PALM2AKAP2: variants seen among roughly 807,000 people sequenced by gnomAD.
PALM2AKAP2 encodes PALM2-AKAP2 fusion protein.
A neutral mutation model predicts 71.5 loss-of-function variants in PALM2AKAP2; 37 were observed. The observed-to-expected ratio is 0.52, with a 90% CI of 0.40 to 0.68. The LOEUF (loss-of-function observed/expected upper bound fraction) is 0.68, where lower values mean the gene tolerates loss of function less well. Among genes scored for constraint, PALM2AKAP2 ranks in the 30% least tolerant of loss-of-function variants. PALM2AKAP2 has a pLI of 0.00. For missense variants in PALM2AKAP2, 1,224 were observed against 1,191.8 expected (o/e 1.03, Z -0.40); for synonymous variants, 468 against 478.8 (o/e 0.98, Z 0.29).
chr9:109,682,338 A>G (rs936707741), intron 1 of PALM2AKAP2, among the ~76,000 whole-genome samples: 1 of 152,232 alleles, frequency 6.6e-6, no homozygotes, highest in African/African-American at 2.4e-5. Context: ...CATTCACTCA[A>G]GGAAAAATAT....
intron 1 of PALM2AKAP2, among the ~76,000 whole-genome samples, chr9:109,657,313 G>A (rs1026466563): frequency 2.0e-5 from 3 of 152,228 alleles, no homozygotes; most frequent in Non-Finnish European, 2.9e-5. Context: ...TGACTGATTG[G>A]TTTTTTGAGG....
chr9:110,115,906 T>G (rs1428116676), intron 1 of PALM2AKAP2, among the ~76,000 whole-genome samples: 3 of 152,202 alleles, frequency 2.0e-5, no homozygotes, highest in Non-Finnish European at 4.4e-5. Context: ...TCACCAATGA[T>G]TTCATCGAAA....
exon 4 of PALM2AKAP2, chr9:109,923,792 G>A (rs753557469): frequency 1.9e-5 from 30 of 1,606,268 alleles, no homozygotes; most frequent in Non-Finnish European, 2.3e-5. Flanking sequence ...CTGCCAAAGA[G>A]CAAATCATCC....
At chr9:110,134,881 A>G (rs980902274) in intron 1 of PALM2AKAP2, among the ~76,000 whole-genome samples, 4 of 152,028 alleles carry the variant, frequency 2.6e-5, no homozygotes, top group Admixed American at 6.6e-5. Context: ...TGGTAACTCA[A>G]ATTAAGTTTA....
chr9:109,943,115 C>A (rs1047686046), intron 6 of PALM2AKAP2: 1 of 1,614,186 alleles, frequency 6.2e-7, no homozygotes. Context: ...TTGGATCAGC[C>A]CGTCACCATG....
chr9:110,013,382 C>T (rs1380789108), intron 6 of PALM2AKAP2, among the ~76,000 whole-genome samples: 1 of 152,158 alleles, frequency 6.6e-6, no homozygotes, highest in Non-Finnish European at 1.5e-5. Context: ...GTCCATCATG[C>T]CCAACATCTG....
chr9:109,995,170 A>G (rs1832550478), intron 6 of PALM2AKAP2, among the ~76,000 whole-genome samples: 1 of 152,184 alleles, frequency 6.6e-6, no homozygotes, highest in Non-Finnish European at 1.5e-5. Flanking sequence ...TCTCCCACCC[A>G]GGGACTGGAG....
At chr9:109,785,585 T>C (rs2795057) in intron 1 of PALM2AKAP2, among the ~76,000 whole-genome samples, 24,989 of 152,108 alleles carry the variant, frequency 0.16, 2,155 homozygotes, top group African/African-American at 0.21. Context: ...TGGCAGAAGG[T>C]GAAAGGCACA....
chr9:110,010,252 A>G (rs944181955), intron 6 of PALM2AKAP2, among the ~76,000 whole-genome samples: 6 of 152,052 alleles, frequency 3.9e-5, no homozygotes, highest in African/African-American at 1.4e-4. Flanking sequence ...TAAAAATGGA[A>G]TAAAGATTGT....
intron 7 of PALM2AKAP2, among the ~76,000 whole-genome samples, chr9:110,017,004 T>G (rs12348142): frequency 6.6e-6 from 1 of 152,004 alleles, no homozygotes. Flanking sequence ...CTCAGCCTCC[T>G]GAGTAGCTGG....
At chr9:109,774,375 G>A (rs1342033874) in intron 1 of PALM2AKAP2, among the ~76,000 whole-genome samples, 1 of 152,104 alleles carries the variant, frequency 6.6e-6, no homozygotes, top group Non-Finnish European at 1.5e-5. Flanking sequence ...CAATATGTAG[G>A]CATGTAGCTC....
chr9:109,915,307 T>C (rs1588005097), intron 3 of PALM2AKAP2, among the ~76,000 whole-genome samples: 3 of 152,292 alleles, frequency 2.0e-5, no homozygotes, highest in African/African-American at 7.2e-5. Flanking sequence ...GAAATAATCG[T>C]TGGGTGGAGG....
At chr9:109,663,040 CTATTTGATTCTTCTCTCCTTG>C (rs1827423623) in intron 1 of PALM2AKAP2, among the ~76,000 whole-genome samples, 1 of 151,986 alleles carries the variant, frequency 6.6e-6, no homozygotes, top group African/African-American at 2.4e-5. Flanking sequence ...TTTATTGCAT[CTATTTGATTCTTCTCTCCTTG>C]TATTTGATTC....
intron 6 of PALM2AKAP2, among the ~76,000 whole-genome samples, chr9:110,007,064 G>C (rs980395120): frequency 6.6e-6 from 1 of 152,118 alleles, no homozygotes; most frequent in South Asian, 2.1e-4. Flanking sequence ...TTTGGGGAAA[G>C]CTTCTTTTTT....
Position 109,866,961 on chromosome 9 carries a change from G to T in PALM2AKAP2, c.46-530G>T. ...TAACCCATTTCATTTGCATTGTTTG[G>T]TATGTCCAACTGGGTGATTTGTCCT... On this transcript the variant is annotated intron_variant, in intron 1 of 9. Coordinates refer to the PALM2AKAP2 transcript ENST00000302798. 5 of 450,150 alleles carry T rather than the reference G, an allele frequency of 1.1e-5. No individual in the cohort carries two copies. The Admixed American group carries it at 1.2e-4, about 11-fold the overall frequency. The allele number at this position is 450,150 out of a possible 1,614,324, so 27.9% of individuals were successfully genotyped here. A position where few individuals can be genotyped will look rare whatever the true frequency, so the allele number is the denominator to read the frequency against.
chr9:109,667,496 C>A (rs190428797), intron 1 of PALM2AKAP2, among the ~76,000 whole-genome samples: 1 of 152,152 alleles, frequency 6.6e-6, no homozygotes, highest in Non-Finnish European at 1.5e-5. Flanking sequence ...ACCTTTTAAA[C>A]GAATGTAACC....
intron 1 of PALM2AKAP2, among the ~76,000 whole-genome samples, chr9:110,059,102 G>T (rs1333896292): frequency 6.6e-6 from 1 of 152,164 alleles, no homozygotes; most frequent in East Asian, 1.9e-4. Context: ...GTTTCACCAT[G>T]TTTGCCAGGC....
intron 1 of PALM2AKAP2, among the ~76,000 whole-genome samples, chr9:110,106,042 T>G (rs1420084095): frequency 2.0e-5 from 3 of 152,260 alleles, no homozygotes; most frequent in Non-Finnish European, 4.4e-5. Context: ...TGACTTTGCA[T>G]AATATAAATA....
At chr9:109,841,323 A>G (rs1196656651) in intron 1 of PALM2AKAP2, among the ~76,000 whole-genome samples, 1 of 143,572 alleles carries the variant, frequency 7.0e-6, no homozygotes, top group Admixed American at 7.1e-5. Flanking sequence ...CAATGAGAAC[A>G]CTTGGACACA....
Sources: gnomAD v4.1 joint callset for allele counts (sites outside exome capture counted in the v4.1 genomes callset) on GRCh38, gnomAD v4.1.1 for gene constraint, MANE v1.5 for transcripts, NCBI Gene and HGNC (gene_info 2026-07-23, HGNC 2026-07-21) for gene names.